ATP7B: variants seen among roughly 807,000 people sequenced by gnomAD.
The protein encoded by ATP7B is copper-transporting ATPase 2.
ATP7B carries 113 observed loss-of-function variants against 118.9 expected under a neutral mutation model. The ratio of observed to expected loss-of-function variants is 0.95; its 90% CI spans 0.82 to 1.11. The LOEUF (loss-of-function observed/expected upper bound fraction) is 1.11, where lower values mean the gene tolerates loss of function less well. Among genes scored for constraint, ATP7B ranks in the 50% most tolerant of loss-of-function variants. The pLI is 0.00. For missense variants in ATP7B, 1,867 were observed against 1,871.4 expected, an observed-to-expected ratio of 1.00 and a Z score of 0.04; for synonymous variants, 777 against 727.4, an observed-to-expected ratio of 1.07 and a Z score of -1.10.
Position 51,950,301 on chromosome 13 carries a change from T to C in ATP7B, c.2546A>G (p.Asn849Ser), listed in dbSNP as rs1305481682. The C allele has an allele frequency of 6.2e-7, 1 of 1,614,148 alleles. No individual in the cohort carries two copies. The highest frequency in any genetic ancestry group is 1.7e-5 in the Admixed American group (1 of 60,010). The change falls in exon 10 of 21, where the codon AAT (asparagine) becomes AGT (serine). Residue 849 changes from asparagine (N) to serine (S), a missense_variant. Asn to Ser is a conservative substitution (Grantham distance 46). Coordinates refer to ENST00000242839, the MANE Select transcript of ATP7B (RefSeq NM_000053.4). ...FPVDGKVLEG[N>S]TMADESLITG... ...GATGAGGGACTCATCAGCCATGGTA[T>C]TGCCTTCCAGGACTTTCCCATCCAC...
intron 1 of ATP7B, among the ~76,000 whole-genome samples, chr13:51,976,892 G>C (rs984207013): frequency 3.9e-5 from 6 of 152,150 alleles, no homozygotes; most frequent in African/African-American, 1.4e-4. Context: ...TGGGTGAGTC[G>C]GTGAATGAGT....
intron 15 of ATP7B, among the ~76,000 whole-genome samples, chr13:51,941,989 G>C (rs967037148): frequency 1.3e-5 from 2 of 152,200 alleles, no homozygotes; most frequent in Non-Finnish European, 2.9e-5. Flanking sequence ...GGCTTGGGCA[G>C]ACATTTCCCT....
chr13:51,963,832 C>T (rs1048703586), intron 5 of ATP7B, among the ~76,000 whole-genome samples: 1 of 151,698 alleles, frequency 6.6e-6, no homozygotes, highest in Admixed American at 6.6e-5. Flanking sequence ...GGTGGATCAC[C>T]TAAGGTGTCA....
intron 1 of ATP7B, among the ~76,000 whole-genome samples, chr13:51,999,806 G>C (rs1396618094): frequency 6.6e-6 from 1 of 152,182 alleles, no homozygotes; most frequent in Non-Finnish European, 1.5e-5. Context: ...CCACCTGGCA[G>C]TCCAACTACC....
intron 1 of ATP7B, among the ~76,000 whole-genome samples, chr13:51,991,235 C>A (rs182879475): frequency 1.3e-5 from 2 of 152,186 alleles, no homozygotes; most frequent in Non-Finnish European, 2.9e-5. Context: ...CTCCCTGCTG[C>A]AGTATAAATC....
chr13:51,985,028 G>C (rs1341836887), intron 1 of ATP7B, among the ~76,000 whole-genome samples: 1 of 152,154 alleles, frequency 6.6e-6, no homozygotes, highest in Non-Finnish European at 1.5e-5. Context: ...AAAATAACCA[G>C]CTAGCATCAT....
chr13:51,994,480 A>C (rs1337094984), intron 1 of ATP7B, among the ~76,000 whole-genome samples: 1 of 152,188 alleles, frequency 6.6e-6, no homozygotes, highest in East Asian at 1.9e-4. Context: ...ACACCAAAAA[A>C]CACTTTTAAT....
Position 51,957,518 on chromosome 13 carries a change from G to C in ATP7B, c.2445C>G (p.Ile815Met), listed in dbSNP as rs1219335016. 1 of 1,613,270 alleles carries C rather than the reference G, an allele frequency of 6.2e-7. No individual in the cohort carries two copies. Among genetic ancestry groups the C allele is most frequent in the Admixed American group, 1.7e-5 (1 of 60,020 alleles). The change falls in exon 9 of 21, where the codon ATC (isoleucine) becomes ATG (methionine). Residue 815 changes from isoleucine (I) to methionine (M), a missense_variant and splice_region_variant. Transcript: ENST00000242839. ...VVTLGEDNLI[I>M]REEQVPMELV... ...GACATTTGATAACCATAACTCACCTGATGATTAAATTGTCCTCACCAAGGG... is the reference window on the plus strand; with the variant it reads ...GACATTTGATAACCATAACTCACCTCATGATTAAATTGTCCTCACCAAGGG...
chr13:51,969,150 T>C (rs1311732609), intron 3 of ATP7B, among the ~76,000 whole-genome samples: 1 of 150,766 alleles, frequency 6.6e-6, no homozygotes, highest in Non-Finnish European at 1.5e-5. Flanking sequence ...AAAAAAAAGC[T>C]CCCCAGGTGA....
intron 1 of ATP7B, among the ~76,000 whole-genome samples, chr13:52,001,877 G>A (rs1418304749): frequency 6.6e-6 from 1 of 151,848 alleles, no homozygotes; most frequent in African/African-American, 2.4e-5. Context: ...TGCAGCCTCC[G>A]CCTCCCTGGC....
At chr13:51,949,518 G>C in intron 12 of ATP7B, 144 bp downstream of exon 12, 3 of 1,196,606 alleles carry the variant, frequency 2.5e-6, no homozygotes, top group Non-Finnish European at 3.6e-6. Context: ...CTCTGGCTTA[G>C]ATTTTGCTGT....
At position 51,950,322 on chromosome 13, in the gene ATP7B, T is replaced by G; in HGVS notation, c.2525A>C (p.Asp842Ala). 6.2e-7 allele frequency: 1 copy of G among 1,614,106 alleles called. No individual in the cohort carries two copies. The highest frequency in any genetic ancestry group is 8.5e-7 in the Non-Finnish European group (1 of 1,180,008). ...GGTATTGCCTTCCAGGACTTTCCCA[T>G]CCACTGGAAACTTTCCCCCAGGGAC... is the stretch of plus-strand genomic sequence containing the variant. ...KVVPGGKFPV[D>A]GKVLEGNTMA... The change falls in exon 10 of 21, where the codon GAT becomes GCT. Residue 842 changes from aspartate to alanine, a missense_variant. Transcript: ENST00000242839.
intron 9 of ATP7B, 60 bp from the exon 10 acceptor site, chr13:51,950,459 T>C: frequency 6.2e-7 from 1 of 1,609,186 alleles, no homozygotes; most frequent in Non-Finnish European, 8.5e-7. Context: ...GGTCAGGTTC[T>C]AGGCCAGCTG....
intron 1 of ATP7B, among the ~76,000 whole-genome samples, chr13:52,008,377 T>C (rs1953875766): frequency 6.6e-6 from 1 of 152,096 alleles, no homozygotes; most frequent in Admixed American, 6.6e-5. Flanking sequence ...AAAGCTCTAT[T>C]CTGCCGGCAT....
rs1593752864 is a variant in ATP7B, at chr13:51,965,036, G to C, written c.1708-3C>G. The C allele has an allele frequency of 3.7e-6, 6 of 1,613,930 alleles. No individual in the cohort carries two copies. Among genetic ancestry groups the C allele is most frequent in the Non-Finnish European group, 5.1e-6 (6 of 1,179,994 alleles). ...GACGCGCAGGTCATCCCTGTGATCT[G>C]CAACACAGGATGGCAAGAATCCCAC... On this transcript the variant is annotated splice_polypyrimidine_tract_variant and splice_region_variant and intron_variant, in intron 4 of 20. Coordinates refer to ENST00000242839, the MANE Select transcript of ATP7B (RefSeq NM_000053.4).
chr13:51,950,021 C>T lies in ATP7B; in HGVS notation c.2716G>A (p.Ala906Thr). 1 of 1,614,206 alleles carries T rather than the reference C, an allele frequency of 6.2e-7. No individual in the cohort carries two copies. The highest frequency in any genetic ancestry group is 8.5e-7 in the Non-Finnish European group (1 of 1,180,030). ...TTCTTCATTACCTTTGACATCTGAG[C>T]CTCTTCCACCAGTTTCACAATCTGA... ...LAQIVKLVEE[A>T]QMSKAPIQQL... Residue 906 changes from alanine (A) to threonine (T), a missense_variant, in exon 11 of 21, where the codon GCT (alanine) becomes ACT (threonine). Physicochemically the swap from Ala to Thr is moderately conservative, Grantham distance 58 (BLOSUM62 0). Transcript: ENST00000242839.
At chr13:51,962,325 G>T (rs1958804570) in intron 5 of ATP7B, among the ~76,000 whole-genome samples, 1 of 152,198 alleles carries the variant, frequency 6.6e-6, no homozygotes, top group Non-Finnish European at 1.5e-5. Context: ...TTCCAGCCCA[G>T]GCTTCTTGCC....
intron 12 of ATP7B, among the ~76,000 whole-genome samples, chr13:51,946,991 A>T (rs1407349823): frequency 6.6e-6 from 1 of 152,248 alleles, no homozygotes; most frequent in Non-Finnish European, 1.5e-5. Context: ...AATCATATAA[A>T]TAAGAAAAGA....
chr13:51,987,477 G>T (rs1313038580), intron 1 of ATP7B, among the ~76,000 whole-genome samples: 1 of 152,130 alleles, frequency 6.6e-6, no homozygotes, highest in Non-Finnish European at 1.5e-5. Flanking sequence ...CGTGAAAATG[G>T]CCATACTGCC....
Sources: allele counts gnomAD v4.1 joint callset (sites outside exome capture counted in the v4.1 genomes callset), GRCh38; gene constraint gnomAD v4.1.1; transcripts MANE v1.5; gene names NCBI Gene and HGNC (gene_info 2026-07-23, HGNC 2026-07-21).